NIBAN1: variants seen among roughly 807,000 people sequenced by gnomAD.
NIBAN1 encodes niban apoptosis regulator 1, also known as protein Niban 1.
Under a neutral mutation model 75.1 loss-of-function variants are expected in NIBAN1, and 81 were observed. The observed-to-expected ratio is 1.08, with a 90% CI of 0.90 to 1.30. NIBAN1 has a LOEUF of 1.30. Ranked by LOEUF, NIBAN1 falls within the 50% of genes most tolerant of loss-of-function variation. The pLI, the probability that NIBAN1 is intolerant of heterozygous loss-of-function variation, is 0.00. For synonymous variants in NIBAN1, 436 were observed against 424.8 expected, an observed-to-expected ratio of 1.03 and a Z score of -0.32; for missense variants, 1,133 against 1,128.1, an observed-to-expected ratio of 1.00 and a Z score of -0.06.
chr1:184,823,298 T>A lies in NIBAN1; in HGVS notation c.854A>T (p.His285Leu), dbSNP rs80112693. The A allele has an allele frequency of 1.3e-3, 2,167 of 1,614,182 alleles. 17 individuals carry two copies. In the East Asian group the frequency reaches 0.022, roughly 16 times the overall value. ...GGCACTTAATCCTTCTGAAACTTGA[T>A]GCTGAACCAGGGTGTAGGCCTCCTC... ...LLEEAYTLVQ[H>L]QVSEGLSALK... Residue 285 changes from histidine (H) to leucine (L), a missense_variant, in exon 8 of 14, where the codon CAT (histidine) becomes CTT (leucine). Physicochemically the swap from His to Leu is moderately conservative, Grantham distance 99. Transcript: ENST00000367511.
intron 1 of NIBAN1, among the ~76,000 whole-genome samples, chr1:184,937,941 A>G (rs1658003139): frequency 6.6e-6 from 1 of 152,230 alleles, no homozygotes; most frequent in Admixed American, 6.5e-5. Context: ...GGAGCTTGAC[A>G]GAGAGCTAAG....
intron 12 of NIBAN1, among the ~76,000 whole-genome samples, chr1:184,802,507 G>A (rs1381882193): frequency 6.6e-6 from 1 of 152,160 alleles, no homozygotes; most frequent in Non-Finnish European, 1.5e-5. Context: ...CAATCCCTTG[G>A]CTTAATCAAA....
chr1:184,800,232 T>C (rs1365560339), intron 12 of NIBAN1, among the ~76,000 whole-genome samples: 1 of 150,636 alleles, frequency 6.6e-6, no homozygotes, highest in Non-Finnish European at 1.5e-5. Context: ...TTCTTGTAAA[T>C]TTGTTTGAGT....
chr1:184,839,173 GAAGAC>G (rs1486911004), intron 5 of NIBAN1, among the ~76,000 whole-genome samples: 1 of 152,144 alleles, frequency 6.6e-6, no homozygotes, highest in African/African-American at 2.4e-5. Context: ...CCACTTTACA[GAAGAC>G]AAGAAAATGG....
intron 3 of NIBAN1, among the ~76,000 whole-genome samples, chr1:184,893,761 T>C (rs1280369212): frequency 2.0e-5 from 3 of 152,224 alleles, no homozygotes; most frequent in Non-Finnish European, 4.4e-5. Flanking sequence ...GGTCCTTCTG[T>C]CTTCATACTC....
rs1399144788 is a variant in NIBAN1, at chr1:184,794,948, A to G, written c.*29T>C. Reference sequence around the variant, plus strand: ...CCCCTATAACCCTTTGGCTTTTTTCAGAGAAAGACTTCAGCCAAATTGTCC... The same window carrying G: ...CCCCTATAACCCTTTGGCTTTTTTCGGAGAAAGACTTCAGCCAAATTGTCC... On this transcript the variant is annotated 3_prime_UTR_variant, in exon 14 of 14. Transcript: ENST00000367511. 1 of 1,603,736 alleles carries G rather than the reference A, an allele frequency of 6.2e-7. No homozygotes were observed. Among genetic ancestry groups the G allele is most frequent in the East Asian group, 2.2e-5 (1 of 44,882 alleles).
chr1:184,842,582 C>T (rs991548594), intron 5 of NIBAN1, among the ~76,000 whole-genome samples: 26 of 152,000 alleles, frequency 1.7e-4, no homozygotes, highest in African/African-American at 6.0e-4. Context: ...GGTGAAGCCC[C>T]GTCTCTACTA....
At chr1:184,945,087 C>T (rs959639146) in intron 1 of NIBAN1, among the ~76,000 whole-genome samples, 2 of 152,186 alleles carry the variant, frequency 1.3e-5, no homozygotes, top group Non-Finnish European at 2.9e-5. Context: ...GTATACAATG[C>T]TGGCACAGAG....
chr1:184,924,726 T>A (rs1199219948), intron 1 of NIBAN1, among the ~76,000 whole-genome samples: 1 of 152,206 alleles, frequency 6.6e-6, no homozygotes, highest in African/African-American at 2.4e-5. Context: ...ATTGGTCTGT[T>A]CAAGTTTTGA....
At chr1:184,930,588 T>C (rs1184022682) in intron 1 of NIBAN1, among the ~76,000 whole-genome samples, 1 of 152,222 alleles carries the variant, frequency 6.6e-6, no homozygotes, top group Non-Finnish European at 1.5e-5. Flanking sequence ...ATTTATGAAA[T>C]GTGGACCATC....
chr1:184,958,403 A>ACAC (rs1557930919), intron 1 of NIBAN1, among the ~76,000 whole-genome samples: 2 of 121,902 alleles, frequency 1.6e-5, no homozygotes, highest in African/African-American at 3.6e-5. Context: ...CACACACACA[A>ACAC]ATAGCCAAAT....
At chr1:184,955,527 C>T (rs1387952780) in intron 1 of NIBAN1, among the ~76,000 whole-genome samples, 5 of 151,908 alleles carry the variant, frequency 3.3e-5, no homozygotes, top group South Asian at 2.1e-4. Flanking sequence ...TTAGTAGAGA[C>T]GGGGTTTCAC....
In NIBAN1 at chr1:184,948,290, T is replaced by G. The variant is rs139137099; in HGVS notation, c.55+26012A>C. ...ACTCCTGTTCAAAGCATATATGTAT[T>G]CATTTATTCATTCATGCCACAAGCA... On this transcript the variant is annotated intron_variant, in intron 1 of 13. Transcript: ENST00000367511. Among the ~76,000 whole-genome samples, 786 of 152,332 alleles carry G rather than the reference T, an allele frequency of 5.2e-3. 3 individuals carry two copies. Among genetic ancestry groups the G allele is most frequent in the African/African-American group, 0.018 (746 of 41,584 alleles).
intron 9 of NIBAN1, among the ~76,000 whole-genome samples, chr1:184,814,382 A>G (rs1239738405): frequency 6.6e-6 from 1 of 152,182 alleles, no homozygotes; most frequent in East Asian, 1.9e-4. Context: ...CTTTAACATT[A>G]AAAATACACT....
At position 184,974,371 on chromosome 1, in the gene NIBAN1, T is replaced by C. The variant is rs1005835098; in HGVS notation, c.-15A>G. ...GAGCCGCCCATGACCGCGAGCTGCC[T>C]GTGCTGAGCGCGGAAACTGCCCGGT... On this transcript the variant is annotated 5_prime_UTR_variant, in exon 1 of 14. Transcript: ENST00000367511. 2 of 1,550,284 alleles carry C rather than the reference T, an allele frequency of 1.3e-6. No individual in the cohort carries two copies. Among genetic ancestry groups the C allele is most frequent in the Non-Finnish European group, 1.7e-6 (2 of 1,154,318 alleles).
intron 5 of NIBAN1, among the ~76,000 whole-genome samples, chr1:184,867,431 G>T (rs1254226641): frequency 6.6e-6 from 1 of 152,170 alleles, no homozygotes; most frequent in African/African-American, 2.4e-5. Context: ...CAACTTTGTG[G>T]TAAGGCTTTT....
intron 6 of NIBAN1, among the ~76,000 whole-genome samples, chr1:184,826,456 A>C (rs1654843662): frequency 6.6e-6 from 1 of 152,212 alleles, no homozygotes; most frequent in African/African-American, 2.4e-5. Flanking sequence ...TGGGTAATTA[A>C]TAATCCACCA....
In NIBAN1 at chr1:184,925,251, T is replaced by G. The variant is rs557068164; in HGVS notation, c.56-25942A>C. Among the ~76,000 whole-genome samples, 6 of 152,260 alleles carry G rather than the reference T, an allele frequency of 3.9e-5. No homozygotes were observed. In the South Asian group the frequency reaches 1.2e-3, roughly 32 times the overall value. On this transcript the variant is annotated intron_variant, in intron 1 of 13. Coordinates refer to ENST00000367511, the MANE Select transcript of NIBAN1 (RefSeq NM_052966.4). ...ACTCCTGCTCTTTTTTGGTTTTCATTTGTATGGAACATCTTTTTCCATCCC... is the reference window on the plus strand; with the variant it reads ...ACTCCTGCTCTTTTTTGGTTTTCATGTGTATGGAACATCTTTTTCCATCCC...
chr1:184,795,481 G>T lies in NIBAN1; in HGVS notation c.2283C>A (p.Asp761Glu). The change falls in exon 14 of 14, where the codon GAC (aspartate) becomes GAA (glutamate). Residue 761 changes from aspartate (D) to glutamate (E), a missense_variant. Coordinates refer to ENST00000367511, the MANE Select transcript of NIBAN1 (RefSeq NM_052966.4). ...EPSQAAAIHP[D>E]NCEESEVSER... ...CGCTGACTTCACTTTCTTCACAGTT[G>T]TCGGGGTGGATGGCAGCTGCCTGAC... is the stretch of plus-strand genomic sequence containing the variant. The T allele has an allele frequency of 6.2e-7, 1 of 1,612,808 alleles. No homozygotes were observed.
Sources: gnomAD v4.1 joint callset for allele counts (sites outside exome capture counted in the v4.1 genomes callset) on GRCh38, gnomAD v4.1.1 for gene constraint, MANE v1.5 for transcripts, NCBI Gene and HGNC (gene_info 2026-07-23, HGNC 2026-07-21) for gene names.